SLC22A7: variants seen among roughly 807,000 people sequenced by gnomAD.
The protein encoded by SLC22A7 is hOAT2.
SLC22A7 carries 48 observed loss-of-function variants against 62.2 expected under a neutral mutation model. The ratio of observed to expected loss-of-function variants is 0.77; its 90% CI spans 0.61 to 0.98. The LOEUF is 0.98. Ranked by LOEUF, SLC22A7 falls within the 50% of genes least tolerant of loss-of-function variation. The pLI, the probability that SLC22A7 is intolerant of heterozygous loss-of-function variation, is 0.00. For missense variants in SLC22A7, 581 were observed against 703.8 expected (o/e 0.83, Z 1.97); for synonymous variants, 276 against 314.8 (o/e 0.88, Z 1.30).
Position 43,302,554 on chromosome 6 carries a change from A to G in SLC22A7, c.1277-101A>G. On this transcript the variant is annotated intron_variant, in intron 8 of 10. Coordinates refer to ENST00000372585, the MANE Select transcript of SLC22A7 (RefSeq NM_153320.2). The surrounding 1 kb of genome is among the most constrained non-coding windows in gnomAD (Gnocchi z 5.0). ...CTTACCCAGTGAGCTCAGACTCTCCACCACTTAAGTTTGGCCCACTCTGGA... is the reference window on the plus strand; with the variant it reads ...CTTACCCAGTGAGCTCAGACTCTCCGCCACTTAAGTTTGGCCCACTCTGGA... 1 of 1,187,072 alleles carries G rather than the reference A, an allele frequency of 8.4e-7. No individual in the cohort carries two copies. Among genetic ancestry groups the G allele is most frequent in the South Asian group, 1.4e-5 (1 of 70,244 alleles). The allele number at this position is 1,187,072 out of a possible 1,614,324, so 73.5% of individuals were successfully genotyped here.
In SLC22A7 at chr6:43,304,665, C is replaced by T. The variant is rs1480511153; in HGVS notation, c.1593-6C>T. On this transcript the variant is annotated splice_region_variant and splice_polypyrimidine_tract_variant and intron_variant, in intron 10 of 10. Transcript: ENST00000372585. The stretch of plus-strand genomic sequence containing the variant: ...CCACCATTGCTCACAACTCCTTCCT[C>T]CCTAGTGCCCCAACCAGTCTTCAGG... 1 of 1,603,776 alleles carries T rather than the reference C, an allele frequency of 6.2e-7. No individual in the cohort carries two copies. The highest frequency in any genetic ancestry group is 8.5e-7 in the Non-Finnish European group (1 of 1,173,180).
Position 43,304,035 on chromosome 6 carries a change from C to T in SLC22A7, c.1386-3C>T. The T allele has an allele frequency of 6.6e-7, 1 of 1,521,058 alleles. No homozygotes were observed. Among genetic ancestry groups the T allele is most frequent in the Non-Finnish European group, 8.9e-7 (1 of 1,129,042 alleles). The allele number at this position is 1,521,058 out of a possible 1,614,324, so 94.2% of individuals were successfully genotyped here. The stretch of plus-strand genomic sequence containing the variant: ...GCCTCCCTCATCCTCTTTCTCTGAA[C>T]AGACAGACAGGGATGGGGCTGACTG... On this transcript the variant is annotated splice_polypyrimidine_tract_variant and splice_region_variant and intron_variant, in intron 9 of 10. Coordinates refer to ENST00000372585, the MANE Select transcript of SLC22A7 (RefSeq NM_153320.2).
Position 43,301,382 on chromosome 6 carries a change from T to C in SLC22A7, c.951+124T>C, listed in dbSNP as rs796579539. On this transcript the variant is annotated intron_variant, in intron 6 of 10. Coordinates refer to ENST00000372585, the MANE Select transcript of SLC22A7 (RefSeq NM_153320.2). ...AAAGCCCCTGGGCCCCCACAGAGAG[T>C]TCCGAACTCTTTAGGATGTCCTACC... is the stretch of plus-strand genomic sequence containing the variant. 31 of 1,403,806 alleles carry C rather than the reference T, an allele frequency of 2.2e-5. No individual in the cohort carries two copies. In the African/African-American group the frequency reaches 4.3e-4, roughly 19 times the overall value. The allele number at this position is 1,403,806 out of a possible 1,614,324, so 87.0% of individuals were successfully genotyped here.
intron 5 of SLC22A7, 58 bp from the exon 6 acceptor site, chr6:43,301,077 G>A: frequency 1.2e-6 from 2 of 1,610,108 alleles, no homozygotes; most frequent in Non-Finnish European, 1.7e-6. Flanking sequence ...AGTATGTCCA[G>A]GAACATGTGG....
Position 43,304,844 on chromosome 6 carries a change from GC to G in SLC22A7, c.*121del. 1.5e-6 allele frequency: 1 copy of G among 666,770 alleles called. No individual in the cohort carries two copies. 41.3% of individuals were successfully genotyped at this position (666,770 alleles called of 1,614,324 possible). A position where few individuals can be genotyped will look rare whatever the true frequency, so the allele number is the denominator to read the frequency against. On this transcript the variant is annotated 3_prime_UTR_variant, in exon 11 of 11. Coordinates refer to ENST00000372585, the MANE Select transcript of SLC22A7 (RefSeq NM_153320.2). ...CCCTCTGCCTAGGGCCGGAGTTGCT[GC>G]CAGTACCCGCTCCCTCTGCTCATCC...
Position 43,304,773 on chromosome 6 carries a change from G to C in SLC22A7, c.*48G>C, listed in dbSNP as rs774171863. On this transcript the variant is annotated 3_prime_UTR_variant, in exon 11 of 11. Coordinates refer to ENST00000372585, the MANE Select transcript of SLC22A7 (RefSeq NM_153320.2). The stretch of plus-strand genomic sequence containing the variant: ...CACAGAAGCTCTGCAGCAGGGGCTG[G>C]GAGAGCAGAAGGGCAGGCCCTGCAA... The C allele has an allele frequency of 2.7e-6, 4 of 1,457,132 alleles. No homozygotes were observed. The Admixed American group carries it at 6.4e-5, about 23-fold the overall frequency. The allele number at this position is 1,457,132 out of a possible 1,614,324, so 90.3% of individuals were successfully genotyped here. A position where few individuals can be genotyped will look rare whatever the true frequency, so the allele number is the denominator to read the frequency against.
chr6:43,304,697 A>G lies in SLC22A7; in HGVS notation c.1619A>G (p.Glu540Gly). Reference sequence around the variant, plus strand: ...GCCCCAACCAGTCTTCAGGAGGAAGAGATGCCCATGAAGCAGGTCCAGAAC... The same window carrying G: ...GCCCCAACCAGTCTTCAGGAGGAAGGGATGCCCATGAAGCAGGTCCAGAAC... ...KSAPTSLQEE[E>G]MPMKQVQN is the part of the protein sequence containing the mutation. Residue 540 changes from glutamate to glycine, a missense_variant, in exon 11 of 11, where the codon GAG (glutamate) becomes GGG (glycine). Coordinates refer to ENST00000372585, the MANE Select transcript of SLC22A7 (RefSeq NM_153320.2). 6.3e-7 allele frequency: 1 copy of G among 1,597,562 alleles called. No homozygotes were observed. Among genetic ancestry groups the G allele is most frequent in the Non-Finnish European group, 8.6e-7 (1 of 1,169,350 alleles).
rs768463224 is a variant in SLC22A7 at position 43,299,515 on chromosome 6, A to G, written c.503+22A>G. Reference sequence around the variant, plus strand: ...ACAGGTGGGGTGAGGCACTGGGCCAATAAGAAACTGGCTGGGGGAACTTTC... The same window carrying G: ...ACAGGTGGGGTGAGGCACTGGGCCAGTAAGAAACTGGCTGGGGGAACTTTC... On this transcript the variant is annotated intron_variant, in intron 3 of 10. Coordinates refer to ENST00000372585, the MANE Select transcript of SLC22A7 (RefSeq NM_153320.2). This position sits in a 1 kb window ranked among gnomAD's most constrained non-coding sequence, Gnocchi z 4.4. 38 of 1,606,528 alleles carry G rather than the reference A, an allele frequency of 2.4e-5. No homozygotes were observed. The highest frequency in any genetic ancestry group is 2.9e-5 in the Non-Finnish European group (34 of 1,175,114).
rs1390331418 is a variant in SLC22A7 at position 43,304,853 on chromosome 6, C to A, written c.*128C>A. 4 of 610,194 alleles carry A rather than the reference C, an allele frequency of 6.6e-6. No individual in the cohort carries two copies. Among genetic ancestry groups the A allele is most frequent in the Non-Finnish European group, 5.4e-6 (2 of 368,546 alleles). The allele number at this position is 610,194 out of a possible 1,614,324, so 37.8% of individuals were successfully genotyped here. ...TAGGGCCGGAGTTGCTGCCAGTACC[C>A]GCTCCCTCTGCTCATCCATCCTTGA... On this transcript the variant is annotated 3_prime_UTR_variant, in exon 11 of 11. Transcript: ENST00000372585.
chr6:43,304,752 G>C lies in SLC22A7; in HGVS notation c.*27G>C, dbSNP rs376295263. The C allele has an allele frequency of 2.0e-6, 3 of 1,526,298 alleles. No individual in the cohort carries two copies. In the African/African-American group the frequency reaches 4.2e-5, roughly 21 times the overall value. 94.5% of individuals were successfully genotyped at this position (1,526,298 alleles called of 1,614,324 possible). On this transcript the variant is annotated 3_prime_UTR_variant, in exon 11 of 11. Transcript: ENST00000372585. Reference sequence around the variant, plus strand: ...TGGGAGTGGAGGCAGGCCCTCCACAGAAGCTCTGCAGCAGGGGCTGGGAGA... The same window carrying C: ...TGGGAGTGGAGGCAGGCCCTCCACACAAGCTCTGCAGCAGGGGCTGGGAGA...
In SLC22A7 at chr6:43,298,681, C is replaced by G; in HGVS notation, c.323C>G (p.Pro108Arg). The change falls in exon 1 of 11, where the codon CCT (proline) becomes CGT (arginine). Residue 108 changes from proline to arginine, a missense_variant. By Grantham distance (103) the Pro-to-Arg change is moderately radical. Transcript: ENST00000372585. Reference sequence around the variant, plus strand: ...AGCCGTGGGGAGCTGGAGGATGAACCTGCCACAGTGCCCTGCTCTCAGGGC... The same window carrying G: ...AGCCGTGGGGAGCTGGAGGATGAACGTGCCACAGTGCCCTGCTCTCAGGGC... Reference protein sequence around the residue: ...RQSRGELEDEPATVPCSQGWE... With the variant: ...RQSRGELEDERATVPCSQGWE... 6.4e-7 allele frequency: 1 copy of G among 1,557,718 alleles called. No individual in the cohort carries two copies. The highest frequency in any genetic ancestry group is 1.2e-5 in the South Asian group (1 of 81,128).
intron 7 of SLC22A7, among the ~76,000 whole-genome samples, chr6:43,301,897 C>A (rs938327210): frequency 3.3e-5 from 5 of 152,180 alleles, no homozygotes; most frequent in African/African-American, 1.2e-4. Flanking sequence ...CTCAGACTCC[C>A]ACTTCCTTAC....
chr6:43,302,751 C>A lies in SLC22A7; in HGVS notation c.1373C>A (p.Pro458His). ...TAYLFTSELYPTVLRQTGMGL... is the reference protein window; with the variant it reads ...TAYLFTSELYHTVLRQTGMGL... Reference sequence around the variant, plus strand: ...TACCTGTTCACTTCAGAGTTGTACCCTACGGTGCTCAGGTGAGGAAGCCTG... The same window carrying A: ...TACCTGTTCACTTCAGAGTTGTACCATACGGTGCTCAGGTGAGGAAGCCTG... Residue 458 changes from proline (P) to histidine (H), a missense_variant, in exon 9 of 11, where the codon CCT becomes CAT. By Grantham distance (77) the Pro-to-His change is moderately conservative. Transcript: ENST00000372585. This position sits in a 1 kb window ranked among gnomAD's most constrained non-coding sequence, Gnocchi z 5.0. The A allele has an allele frequency of 1.2e-6, 2 of 1,606,982 alleles. No homozygotes were observed. The highest frequency in any genetic ancestry group is 2.2e-5 in the South Asian group (2 of 89,842).
Position 43,299,668 on chromosome 6 carries a change from C to T in SLC22A7, c.545C>T (p.Thr182Ile), listed in dbSNP as rs200874250. 70 of 1,614,092 alleles carry T rather than the reference C, an allele frequency of 4.3e-5. No individual in the cohort carries two copies. The highest frequency in any genetic ancestry group is 5.6e-5 in the Non-Finnish European group (66 of 1,180,048). The change falls in exon 4 of 11, where the codon ACC (threonine) becomes ATC (isoleucine). Residue 182 changes from threonine (T) to isoleucine (I), a missense_variant. By Grantham distance (89) the Thr-to-Ile change is moderately conservative. Coordinates refer to ENST00000372585, the MANE Select transcript of SLC22A7 (RefSeq NM_153320.2). The surrounding 1 kb of genome is among the most constrained non-coding windows in gnomAD (Gnocchi z 4.4). The part of the protein sequence containing the change: ...RRLLLVAYVS[T>I]LVLGLASAAS... Reference sequence around the variant, plus strand: ...CTGCTGCTGGTAGCCTACGTGAGTACCCTGGTGCTGGGCCTGGCATCTGCA... The same window carrying T: ...CTGCTGCTGGTAGCCTACGTGAGTATCCTGGTGCTGGGCCTGGCATCTGCA...
chr6:43,302,185 T>A lies in SLC22A7; in HGVS notation c.1062-15T>A, dbSNP rs1263991602. On this transcript the variant is annotated splice_polypyrimidine_tract_variant and intron_variant, in intron 7 of 10. Coordinates refer to ENST00000372585, the MANE Select transcript of SLC22A7 (RefSeq NM_153320.2). The surrounding 1 kb of genome is among the most constrained non-coding windows in gnomAD (Gnocchi z 5.0). ...GGAAGGAGGGTCCGCCAAGTGGCAC[T>A]GAGACTCCTTTCAGGTTCGGAGTGA... is the stretch of plus-strand genomic sequence containing the variant. The A allele has an allele frequency of 1.3e-6, 2 of 1,552,220 alleles. No homozygotes were observed. Among genetic ancestry groups the A allele is most frequent in the African/African-American group, 1.4e-5 (1 of 73,684 alleles).
Position 43,300,335 on chromosome 6 carries a change from G to A in SLC22A7, c.827+269G>A, listed in dbSNP as rs3778491. The A allele has an allele frequency of 3.8e-3, 2,030 of 528,232 alleles. 21 individuals carry two copies. Among genetic ancestry groups the A allele is most frequent in the East Asian group, 0.032 (951 of 29,458 alleles). 32.7% of individuals were successfully genotyped at this position (528,232 alleles called of 1,614,324 possible). ...AACATAAATTGAGGCTGGCCCCTTG[G>A]AGAGTTGGGGATAGGGGCAGGGCCA... On this transcript the variant is annotated intron_variant, in intron 5 of 10. Transcript: ENST00000372585.
Position 43,301,682 on chromosome 6 carries a change from G to A in SLC22A7, c.1051G>A (p.Val351Met), listed in dbSNP as rs150649827. Residue 351 changes from valine to methionine, a missense_variant, in exon 7 of 11, where the codon GTG (valine) becomes ATG (methionine). Transcript: ENST00000372585. ...GCTCCGACACATCTCACTGTGCTGC[G>A]TGGTGGTGTGGTGAGGAGGCTGGCT... ...PRLRHISLCC[V>M]VVWFGVNFSY... 1.1e-4 allele frequency: 180 copies of A among 1,609,976 alleles called. No homozygotes were observed. Among genetic ancestry groups the A allele is most frequent in the African/African-American group, 5.5e-4 (41 of 74,960 alleles).
At position 43,299,365 on chromosome 6, in the gene SLC22A7, G is replaced by C. The variant is rs1286476159; in HGVS notation, c.400-25G>C. ...TGGAGAGGGGCTGATGTTCATAGGA[G>C]GTCCCTTTCTGCCTGTCCTTGCAGT... On this transcript the variant is annotated intron_variant, in intron 2 of 10. Coordinates refer to ENST00000372585, the MANE Select transcript of SLC22A7 (RefSeq NM_153320.2). The surrounding 1 kb of genome is among the most constrained non-coding windows in gnomAD (Gnocchi z 4.4). The C allele has an allele frequency of 6.2e-7, 1 of 1,613,118 alleles. No individual in the cohort carries two copies. The highest frequency in any genetic ancestry group is 1.7e-5 in the Admixed American group (1 of 60,024).
chr6:43,301,963 C>T (rs966299032), intron 7 of SLC22A7, among the ~76,000 whole-genome samples: 2 of 152,178 alleles, frequency 1.3e-5, no homozygotes, highest in African/African-American at 2.4e-5. Flanking sequence ...TTCTGTAAAA[C>T]GGACTGTTGT....
Sources: allele counts gnomAD v4.1 joint callset (sites outside exome capture counted in the v4.1 genomes callset), GRCh38; gene constraint gnomAD v4.1.1; non-coding constraint Gnocchi (gnomAD v3.1); transcripts MANE v1.5; gene names NCBI Gene and HGNC (gene_info 2026-07-23, HGNC 2026-07-21).